ABI3BP: variants seen among roughly 807,000 people sequenced by gnomAD.
The protein encoded by ABI3BP is ABI family member 3 binding protein.
In ABI3BP, 216 loss-of-function variants were observed where a neutral mutation model predicts 268.6. The ratio of observed to expected loss-of-function variants is 0.80; its 90% confidence interval spans 0.72 to 0.90. ABI3BP has a LOEUF of 0.90. ABI3BP is among the 40% of genes least tolerant of loss of function. The probability of loss-of-function intolerance (pLI) is 0.00; values close to 1 mark genes in which losing one functional copy is unlikely to be tolerated. For synonymous variants in ABI3BP, 730 were observed against 730.0 expected (o/e 1.00, Z 0.00); for missense variants, 2,090 against 2,182.4 (o/e 0.96, Z 0.84).
At chr3:100,832,975 A>AT (rs904928797) in intron 30 of ABI3BP, 150 bp downstream of exon 30, 91 of 661,790 alleles carry the variant, frequency 1.4e-4, no homozygotes, top group Non-Finnish European at 2.1e-4. Context: ...GTCATTGCAT[A>AT]TTTCTTTAAA....
chr3:100,750,437 AG>A lies in ABI3BP; in HGVS notation c.*57del. ...AAATAGCTTTAAATGAATGCGGCATAGTATTTTCAATGATTTTTGTTTGCAA... is the reference window on the plus strand; with the variant it reads ...AAATAGCTTTAAATGAATGCGGCATATATTTTCAATGATTTTTGTTTGCAA... On this transcript the variant is annotated 3_prime_UTR_variant, in exon 68 of 68. Coordinates refer to ENST00000471714, the MANE Select transcript of ABI3BP (RefSeq NM_001375547.2). The A allele has an allele frequency of 4.5e-6, 6 of 1,329,828 alleles. No homozygotes were observed. The highest frequency in any genetic ancestry group is 6.5e-6 in the Non-Finnish European group (6 of 929,082). The allele number at this position is 1,329,828 out of a possible 1,614,324, so 82.4% of individuals were successfully genotyped here.
intron 2 of ABI3BP, among the ~76,000 whole-genome samples, chr3:100,921,243 T>C (rs2060128300): frequency 6.6e-6 from 1 of 152,202 alleles, no homozygotes; most frequent in African/African-American, 2.4e-5. Flanking sequence ...GAACACATAT[T>C]TTTAAACTTA....
chr3:100,831,653 CCT>C, intron 31 of ABI3BP, among the ~76,000 whole-genome samples: 1 of 152,230 alleles, frequency 6.6e-6, no homozygotes, highest in East Asian at 1.9e-4. Flanking sequence ...AACGAGTTAT[CCT>C]CTGTCTGGTG....
intron 29 of ABI3BP, among the ~76,000 whole-genome samples, chr3:100,833,471 C>T (rs1389883204): frequency 6.6e-6 from 1 of 152,030 alleles, no homozygotes; most frequent in East Asian, 1.9e-4. Context: ...TTAGGAAAAA[C>T]TAATGTGAAA....
chr3:100,821,511 C>T (rs1429649892), intron 38 of ABI3BP, among the ~76,000 whole-genome samples: 1 of 152,070 alleles, frequency 6.6e-6, no homozygotes, highest in South Asian at 2.1e-4. Flanking sequence ...CTCAACTGCT[C>T]CATCAAGGAC....
Position 100,821,118 on chromosome 3 carries a change from T to A in ABI3BP, c.2888-5A>T, listed in dbSNP as rs1337853954. 3.3e-6 allele frequency: 5 copies of A among 1,535,126 alleles called. No homozygotes were observed. Among genetic ancestry groups the A allele is most frequent in the Non-Finnish European group, 3.5e-6 (4 of 1,146,186 alleles). ...GTTTGAGCTCCGCAGTAGGAACTGATCAAAAGCATTAAAATTAACCAAATG... is the reference window on the plus strand; with the variant it reads ...GTTTGAGCTCCGCAGTAGGAACTGAACAAAAGCATTAAAATTAACCAAATG... On this transcript the variant is annotated splice_polypyrimidine_tract_variant and splice_region_variant and intron_variant, in intron 38 of 67. Transcript: ENST00000471714.
At chr3:100,830,767 T>C (rs1047827720) in intron 31 of ABI3BP, 133 bp from the exon 32 acceptor site, 1 of 674,864 alleles carries the variant, frequency 1.5e-6, no homozygotes. Context: ...CAAAAGAAAG[T>C]GGCTGTATTT....
intron 9 of ABI3BP, among the ~76,000 whole-genome samples, chr3:100,871,863 G>A (rs562149652): frequency 1.8e-4 from 28 of 152,236 alleles, no homozygotes; most frequent in African/African-American, 6.7e-4. Flanking sequence ...AAGAGACCAG[G>A]TCTTGCTCTG....
chr3:100,989,059 G>T (rs953698618), intron 1 of ABI3BP, among the ~76,000 whole-genome samples: 3 of 152,146 alleles, frequency 2.0e-5, no homozygotes, highest in African/African-American at 7.2e-5. Flanking sequence ...GAGGTGATTA[G>T]GCCATGAGGA....
At chr3:100,981,160 T>C (rs893252962) in intron 1 of ABI3BP, among the ~76,000 whole-genome samples, 1 of 152,022 alleles carries the variant, frequency 6.6e-6, no homozygotes, top group African/African-American at 2.4e-5. Context: ...AGATTGGTCA[T>C]GCCAAGATAA....
chr3:100,896,010 G>A (rs1353460975), intron 4 of ABI3BP, among the ~76,000 whole-genome samples: 1 of 152,130 alleles, frequency 6.6e-6, no homozygotes, highest in African/African-American at 2.4e-5. Context: ...AAATTTACTA[G>A]TACTCCAAAT....
intron 1 of ABI3BP, chr3:100,945,703 C>T (rs770348162): frequency 2.1e-5 from 9 of 430,654 alleles, no homozygotes; most frequent in South Asian, 1.6e-4. Flanking sequence ...GAATATATTA[C>T]ATTTTATTTA....
intron 1 of ABI3BP, among the ~76,000 whole-genome samples, chr3:100,943,376 T>A (rs927316310): frequency 1.3e-5 from 2 of 152,142 alleles, no homozygotes; most frequent in African/African-American, 4.8e-5. Flanking sequence ...TGCCATTAAC[T>A]AAAGTTTAAT....
chr3:100,960,963 C>T (rs922393250), intron 1 of ABI3BP, among the ~76,000 whole-genome samples: 2 of 152,198 alleles, frequency 1.3e-5, no homozygotes, highest in African/African-American at 2.4e-5. Flanking sequence ...GAGAAACTAG[C>T]AAAGCCCACC....
chr3:100,835,376 T>C (rs2098557998), intron 28 of ABI3BP, among the ~76,000 whole-genome samples: 2 of 152,128 alleles, frequency 1.3e-5, no homozygotes, highest in East Asian at 1.9e-4. Flanking sequence ...CTGGATAATA[T>C]GGGAAAAATG....
chr3:100,869,330 G>GTTT lies in ABI3BP; in HGVS notation c.911-2377_911-2375dup, dbSNP rs144604645. The stretch of plus-strand genomic sequence containing the variant: ...ATATTGTTTTTTCTTCTTCTTTTTG[G>GTTT]TTTTTTTTTTTTTTTTTTTTTTTTT... On this transcript the variant is annotated intron_variant, in intron 9 of 67. Transcript: ENST00000471714. 1.7e-3 allele frequency among the ~76,000 whole-genome samples: 85 copies of GTTT among 49,750 alleles called. 6 individuals carry two copies. Among genetic ancestry groups the GTTT allele is most frequent in the African/African-American group, 4.9e-3 (60 of 12,206 alleles). 32.6% of individuals were successfully genotyped at this position (49,750 alleles called of 152,430 possible). A position where few individuals can be genotyped will look rare whatever the true frequency, so the allele number is the denominator to read the frequency against.
intron 57 of ABI3BP, among the ~76,000 whole-genome samples, chr3:100,784,697 G>A (rs2096971660): frequency 1.3e-5 from 2 of 152,112 alleles, no homozygotes; most frequent in African/African-American, 4.8e-5. Context: ...ATACTACTCA[G>A]TGATAAAAAA....
At chr3:100,895,404 C>G (rs1378118134) in intron 4 of ABI3BP, among the ~76,000 whole-genome samples, 1 of 152,066 alleles carries the variant, frequency 6.6e-6, no homozygotes, top group Non-Finnish European at 1.5e-5. Context: ...AAGCTAAAAA[C>G]AAAACAAAAA....
intron 63 of ABI3BP, among the ~76,000 whole-genome samples, chr3:100,762,789 C>T (rs2096048088): frequency 6.6e-6 from 1 of 152,128 alleles, no homozygotes; most frequent in Non-Finnish European, 1.5e-5. Context: ...TATTGAACTC[C>T]TTGACCACCA....
Sources: gnomAD v4.1 joint callset for allele counts (sites outside exome capture counted in the v4.1 genomes callset) on GRCh38, gnomAD v4.1.1 for gene constraint, MANE v1.5 for transcripts, NCBI Gene and HGNC (gene_info 2026-07-23, HGNC 2026-07-21) for gene names.